Variants in EDEM3 observed in about 807,000 individuals in gnomAD.
The protein encoded by EDEM3 is ER degradation-enhancing alpha-mannosidase-like protein 3.
EDEM3 carries 60 observed loss-of-function variants against 110.2 expected under a neutral mutation model. The ratio of observed to expected loss-of-function variants is 0.54; its 90% CI spans 0.44 to 0.67. EDEM3 has a LOEUF of 0.67. Ranked by LOEUF, EDEM3 falls within the 30% of genes least tolerant of loss-of-function variation. The pLI is 0.00. For missense variants in EDEM3, 996 were observed against 1,121.0 expected, an observed-to-expected ratio of 0.89 and a Z score of 1.59; for synonymous variants, 352 against 382.9, an observed-to-expected ratio of 0.92 and a Z score of 0.94.
rs1053788405 is a variant in EDEM3, at chr1:184,693,795, C to T, written c.*268G>A. 6.0e-6 allele frequency: 2 copies of T among 331,284 alleles called. No homozygotes were observed. The highest frequency in any genetic ancestry group is 4.2e-5 in the African/African-American group (2 of 48,082). The allele number at this position is 331,284 out of a possible 1,614,324, so 20.5% of individuals were successfully genotyped here. Reference sequence around the variant, plus strand: ...TTCGCAGGAATGCTCAGTAATCTTTCCCTGGCCTGAGGTGTTGCAGGGTGG... The same window carrying T: ...TTCGCAGGAATGCTCAGTAATCTTTTCCTGGCCTGAGGTGTTGCAGGGTGG... On this transcript the variant is annotated 3_prime_UTR_variant, in exon 20 of 20. Transcript: ENST00000318130.
At chr1:184,735,511 A>G (rs1426037659) in intron 4 of EDEM3, among the ~76,000 whole-genome samples, 3 of 152,196 alleles carry the variant, frequency 2.0e-5, no homozygotes, top group Non-Finnish European at 4.4e-5. Context: ...AAGTACATTA[A>G]AAGTAGTTTT....
chr1:184,726,007 A>C (rs996120579), intron 7 of EDEM3, among the ~76,000 whole-genome samples: 1 of 152,184 alleles, frequency 6.6e-6, no homozygotes, highest in Non-Finnish European at 1.5e-5. Context: ...TGGCTAAAAA[A>C]ATTTCTAAGA....
Position 184,711,791 on chromosome 1 carries a change from A to G in EDEM3, c.1623T>C (p.Tyr541=), listed in dbSNP as rs1312195109. ...TQILFPNDPL[Y]AQSIREPLKN... ...TCAAGGGCTCACGAATACTTTGAGC[A>G]TACAATGGGTCATTAGGAAAGAGGA... The change falls in exon 15 of 20, where the codon TAT becomes TAC. Residue 541 remains tyrosine (Y), a synonymous_variant. Transcript: ENST00000318130. 2.5e-6 allele frequency: 4 copies of G among 1,613,522 alleles called. No homozygotes were observed. The highest frequency in any genetic ancestry group is 1.3e-5 in the African/African-American group (1 of 74,936).
rs1156410627 is a variant in EDEM3 at position 184,697,950 on chromosome 1, C to T, written c.2390-3478G>A. Among the ~76,000 whole-genome samples, 3 of 151,366 alleles carry T rather than the reference C, an allele frequency of 2.0e-5. No homozygotes were observed. In the South Asian group the frequency reaches 6.2e-4, roughly 31 times the overall value. On this transcript the variant is annotated intron_variant, in intron 19 of 19. Coordinates refer to ENST00000318130, the MANE Select transcript of EDEM3 (RefSeq NM_025191.4). ...GTCTTTTCTAGATAATTTATAGAAC[C>T]TCTATTTCTTTATGAGTATGTATGT...
chr1:184,747,698 T>C (rs1652508522), intron 2 of EDEM3, among the ~76,000 whole-genome samples: 1 of 152,218 alleles, frequency 6.6e-6, no homozygotes, highest in African/African-American at 2.4e-5. Flanking sequence ...TATTAAGTAG[T>C]TAATTGTAGC....
In EDEM3 at chr1:184,754,665, A is replaced by T; in HGVS notation, c.-19T>A. 6.5e-7 allele frequency: 1 copy of T among 1,531,110 alleles called. No individual in the cohort carries two copies. The highest frequency in any genetic ancestry group is 8.8e-7 in the Non-Finnish European group (1 of 1,140,352). 94.8% of individuals were successfully genotyped at this position (1,531,110 alleles called of 1,614,324 possible). A position where few individuals can be genotyped will look rare whatever the true frequency, so the allele number is the denominator to read the frequency against. ...CGCTCATGGCCCCGCGGTTCCGCGCACGCGCAGCTGCTACGCCCGGCCGGT... is the reference window on the plus strand; with the variant it reads ...CGCTCATGGCCCCGCGGTTCCGCGCTCGCGCAGCTGCTACGCCCGGCCGGT... On this transcript the variant is annotated 5_prime_UTR_variant, in exon 1 of 20. Coordinates refer to ENST00000318130, the MANE Select transcript of EDEM3 (RefSeq NM_025191.4).
rs114636195 is a variant in EDEM3, at chr1:184,710,378, T to C, written c.1845+16A>G. 3.0e-3 allele frequency: 4,896 copies of C among 1,612,498 alleles called. 12 individuals are homozygous for C. The highest frequency in any genetic ancestry group is 3.8e-3 in the Non-Finnish European group (4,466 of 1,179,112). On this transcript the variant is annotated intron_variant, in intron 16 of 19. Coordinates refer to ENST00000318130, the MANE Select transcript of EDEM3 (RefSeq NM_025191.4). ...CAGGGCAGAGACGGTATCTAATTAG[T>C]GTAGCAATGTCTTACTTGGATTGCA... is the stretch of plus-strand genomic sequence containing the variant.
rs973848813 is a variant in EDEM3 at position 184,696,788 on chromosome 1, T to A, written c.2390-2316A>T. 2.5e-4 allele frequency among the ~76,000 whole-genome samples: 38 copies of A among 152,146 alleles called. 1 individual carries two copies. The highest frequency in any genetic ancestry group is 8.4e-4 in the African/African-American group (35 of 41,538). The stretch of plus-strand genomic sequence containing the variant: ...CAAAAAGAAAAATCTCCAAGTTTCT[T>A]TCTAGATTGTATTATTCCAGATTAG... On this transcript the variant is annotated intron_variant, in intron 19 of 19. Coordinates refer to ENST00000318130, the MANE Select transcript of EDEM3 (RefSeq NM_025191.4).
rs200444363 is a variant in EDEM3, at chr1:184,737,631, G to A, written c.285C>T (p.Asp95=). Residue 95 remains aspartate, a synonymous_variant, in exon 3 of 20, where the codon GAC becomes GAT. Coordinates refer to ENST00000318130, the MANE Select transcript of EDEM3 (RefSeq NM_025191.4). Reference sequence around the variant, plus strand: ...CTCACTTTCCCAAGGCATCATCAACGTCACCGCGACTTGGCTCTTGGCCTC... The same window carrying A: ...CTCACTTTCCCAAGGCATCATCAACATCACCGCGACTTGGCTCTTGGCCTC... ...RVRGQEPSRG[D]VDDALGKFSL... 4.1e-5 allele frequency: 66 copies of A among 1,613,772 alleles called. No individual in the cohort carries two copies. The East Asian group carries it at 4.2e-4, about 10-fold the overall frequency.
intron 19 of EDEM3, among the ~76,000 whole-genome samples, chr1:184,701,743 C>T (rs951590130): frequency 1.3e-5 from 2 of 152,230 alleles, no homozygotes; most frequent in Non-Finnish European, 2.9e-5. Context: ...GTATTCTGTT[C>T]TGTTTCCATC....
chr1:184,693,926 A>T lies in EDEM3; in HGVS notation c.*137T>A. 1.2e-6 allele frequency: 1 copy of T among 840,938 alleles called. No homozygotes were observed. The allele number at this position is 840,938 out of a possible 1,614,324, so 52.1% of individuals were successfully genotyped here. Reference sequence around the variant, plus strand: ...CATGCTCCAGATTCCTACGATAACTACGCCAGTCAGAACGTGGTTGTTCAT... The same window carrying T: ...CATGCTCCAGATTCCTACGATAACTTCGCCAGTCAGAACGTGGTTGTTCAT... On this transcript the variant is annotated 3_prime_UTR_variant, in exon 20 of 20. Transcript: ENST00000318130.
At position 184,694,115 on chromosome 1, in the gene EDEM3, T is replaced by A; in HGVS notation, c.2747A>T (p.Asp916Val). 1 of 1,613,280 alleles carries A rather than the reference T, an allele frequency of 6.2e-7. No individual in the cohort carries two copies. The change falls in exon 20 of 20, where the codon GAC (aspartate) becomes GTC (valine). Residue 916 changes from aspartate (D) to valine (V), a missense_variant. This residue lies in a region of EDEM3 where 345 missense variants were observed against 402.0 expected (regional missense o/e 0.86). Transcript: ENST00000318130. ...AAATGCTTCTATATCTTCATTCCAG[T>A]CTGCTAATATGGAGTCTATAGGCTG... Reference protein sequence around the residue: ...KVQPIDSILADWNEDIEAFEM... With the variant: ...KVQPIDSILAVWNEDIEAFEM...
chr1:184,717,486 A>C lies in EDEM3; in HGVS notation c.1245+54T>G. 4 of 1,429,748 alleles carry C rather than the reference A, an allele frequency of 2.8e-6. No individual in the cohort carries two copies. The South Asian group carries it at 4.8e-5, about 17-fold the overall frequency. 88.6% of individuals were successfully genotyped at this position (1,429,748 alleles called of 1,614,324 possible). A position where few individuals can be genotyped will look rare whatever the true frequency, so the allele number is the denominator to read the frequency against. ...AATTACTATTATGAAAGAATGAGAG[A>C]TCCAACAGAGAATGGAGGCTAAACT... is the stretch of plus-strand genomic sequence containing the variant. On this transcript the variant is annotated intron_variant, in intron 12 of 19. Transcript: ENST00000318130.
rs1227493975 is a variant in EDEM3 at position 184,690,699 on chromosome 1, T to C, written c.*3364A>G. The C allele has an allele frequency of 6.6e-6, 1 of 152,576 alleles. No individual in the cohort carries two copies. The highest frequency in any genetic ancestry group is 1.9e-4 in the East Asian group (1 of 5,194). 9.5% of individuals were successfully genotyped at this position (152,576 alleles called of 1,614,324 possible). A position where few individuals can be genotyped will look rare whatever the true frequency, so the allele number is the denominator to read the frequency against. Reference sequence around the variant, plus strand: ...GTTACAGCACCTGTTAGTACAGACATCTTTTTCATAAATTACATCATAAGA... The same window carrying C: ...GTTACAGCACCTGTTAGTACAGACACCTTTTTCATAAATTACATCATAAGA... On this transcript the variant is annotated 3_prime_UTR_variant, in exon 20 of 20. Transcript: ENST00000318130.
chr1:184,704,649 CAAAAA>C lies in EDEM3; in HGVS notation c.2204-1658_2204-1654del, dbSNP rs58913815. ...TGGGTGACAAAGCAAGACTCTGTCT[CAAAAA>C]AAAAAAAAAAAAAAAAAAAAAAAAA... On this transcript the variant is annotated intron_variant, in intron 18 of 19. Coordinates refer to ENST00000318130, the MANE Select transcript of EDEM3 (RefSeq NM_025191.4). Among the ~76,000 whole-genome samples, 11 of 29,910 alleles carry C rather than the reference CAAAAA, an allele frequency of 3.7e-4. No homozygotes were observed. The Admixed American group carries it at 6.0e-3, about 16-fold the overall frequency. 19.6% of individuals were successfully genotyped at this position (29,910 alleles called of 152,430 possible).
intron 2 of EDEM3, among the ~76,000 whole-genome samples, chr1:184,740,738 T>A (rs1268575078): frequency 6.6e-6 from 1 of 152,216 alleles, no homozygotes; most frequent in Non-Finnish European, 1.5e-5. Flanking sequence ...TATCAACAAA[T>A]TTTAGCTGAC....
intron 2 of EDEM3, among the ~76,000 whole-genome samples, chr1:184,744,018 G>T (rs1019980708): frequency 4.6e-5 from 7 of 151,106 alleles, no homozygotes; most frequent in African/African-American, 1.7e-4. Context: ...TGTGACATTG[G>T]GCTAGGCAAA....
Position 184,693,555 on chromosome 1 carries a change from T to A in EDEM3, c.*508A>T, listed in dbSNP as rs538448414. ...AGACTGTTTTCACCATAAATGCATT[T>A]GCTTCATAACCACTTAGGTCACTTA... is the stretch of plus-strand genomic sequence containing the variant. On this transcript the variant is annotated 3_prime_UTR_variant, in exon 20 of 20. Transcript: ENST00000318130. 3 of 152,656 alleles carry A rather than the reference T, an allele frequency of 2.0e-5. No homozygotes were observed. The highest frequency in any genetic ancestry group is 2.9e-5 in the Non-Finnish European group (2 of 68,354). The allele number at this position is 152,656 out of a possible 1,614,324, so 9.5% of individuals were successfully genotyped here. A position where few individuals can be genotyped will look rare whatever the true frequency, so the allele number is the denominator to read the frequency against.
At position 184,694,403 on chromosome 1, in the gene EDEM3, A is replaced by C. The variant is rs9425343; in HGVS notation, c.2459T>G (p.Ile820Ser). 623,422 of 1,610,510 alleles carry C rather than the reference A, an allele frequency of 0.39. 126,654 individuals carry two copies. Among genetic ancestry groups the C allele is most frequent in the East Asian group, 0.53 (23,580 of 44,774 alleles). Residue 820 changes from isoleucine (I) to serine (S), a missense_variant, in exon 20 of 20, where the codon ATT becomes AGT. Physicochemically the swap from Ile to Ser is moderately radical, Grantham distance 142. This residue lies in a region of EDEM3 where 345 missense variants were observed against 402.0 expected (regional missense o/e 0.86). Transcript: ENST00000318130. ...NDSQNQSGEQ[I>S]SSSSQEVDLV... Reference sequence around the variant, plus strand: ...ATCAACCTCCTGAGAACTTGATGAAATCTGTTCACCACTCTGATTCTGAGA... The same window carrying C: ...ATCAACCTCCTGAGAACTTGATGAACTCTGTTCACCACTCTGATTCTGAGA...
Sources: allele counts gnomAD v4.1 joint callset (sites outside exome capture counted in the v4.1 genomes callset), GRCh38; gene constraint gnomAD v4.1.1; regional missense constraint gnomAD v4.1.1; transcripts MANE v1.5; gene names NCBI Gene and HGNC (gene_info 2026-07-23, HGNC 2026-07-21).